Variants in OLA1 observed in about 807,000 individuals in gnomAD.
OLA1 encodes the protein Obg like ATPase 1.
OLA1 carries 14 observed loss-of-function variants against 48.4 expected under a neutral mutation model. That is an observed-to-expected ratio of 0.29 (90% CI 0.19 to 0.45). OLA1 has a LOEUF of 0.45. OLA1 is among the 20% of genes least tolerant of loss of function. OLA1 has a pLI of 1.00. For missense variants in OLA1, 325 were observed against 467.1 expected (o/e 0.70, Z 2.80); for synonymous variants, 127 against 150.4 (o/e 0.84, Z 1.14).
intron 3 of OLA1, among the ~76,000 whole-genome samples, chr2:174,225,127 G>T (rs1354807925): frequency 6.6e-6 from 1 of 152,168 alleles, no homozygotes; most frequent in African/African-American, 2.4e-5. Flanking sequence ...AGTAATGAGT[G>T]AGTTCTCGCT....
chr2:174,245,332 T>C (rs1385940765), intron 2 of OLA1, among the ~76,000 whole-genome samples: 2 of 152,168 alleles, frequency 1.3e-5, no homozygotes, highest in African/African-American at 4.8e-5. Flanking sequence ...AAGACTGAAA[T>C]CAGGACAGCC....
At chr2:174,241,041 T>C (rs1688988013) in intron 2 of OLA1, among the ~76,000 whole-genome samples, 1 of 152,218 alleles carries the variant, frequency 6.6e-6, no homozygotes, top group African/African-American at 2.4e-5. Context: ...AAGTTTGCTA[T>C]GCCACTGCCA....
rs529029564 is a variant in OLA1 at position 174,199,635 on chromosome 2, C to G, written c.373+23398G>C. 5.3e-5 allele frequency among the ~76,000 whole-genome samples: 8 copies of G among 152,180 alleles called. No homozygotes were observed. In the East Asian group the frequency reaches 1.5e-3, roughly 29 times the overall value. ...CATAAGGTCTCAAGATTTGGAATAT[C>G]TGTATCACTCACCAAGAATCAGCAT... On this transcript the variant is annotated intron_variant, in intron 4 of 10. Coordinates refer to ENST00000284719, the MANE Select transcript of OLA1 (RefSeq NM_013341.5).
chr2:174,229,466 A>C lies in OLA1; in HGVS notation c.102-15T>G, dbSNP rs1340628066. The C allele has an allele frequency of 1.9e-6, 3 of 1,597,388 alleles. No homozygotes were observed. The highest frequency in any genetic ancestry group is 1.8e-5 in the Admixed American group (1 of 56,886). On this transcript the variant is annotated splice_polypyrimidine_tract_variant and intron_variant, in intron 2 of 10. Coordinates refer to ENST00000284719, the MANE Select transcript of OLA1 (RefSeq NM_013341.5). ...AAGTAGATTTCCTAAAACAAATAAAAGCAATTTCAATCAATTCTTAGGTTA... is the reference window on the plus strand; with the variant it reads ...AAGTAGATTTCCTAAAACAAATAAACGCAATTTCAATCAATTCTTAGGTTA...
chr2:174,122,574 G>A (rs954468648), intron 7 of OLA1, among the ~76,000 whole-genome samples: 3 of 152,116 alleles, frequency 2.0e-5, no homozygotes, highest in Non-Finnish European at 2.9e-5. Context: ...CATGCCCACA[G>A]GTACATGAAC....
At chr2:174,174,035 C>CAAAAAAAAAAAAAAAAA (rs112671944) in intron 4 of OLA1, among the ~76,000 whole-genome samples, 1 of 135,602 alleles carries the variant, frequency 7.4e-6, no homozygotes, top group Non-Finnish European at 1.6e-5. Flanking sequence ...CACACACACA[C>CAAAAAAAAAAAAAAAAA]AAAAAAAAAA....
intron 4 of OLA1, among the ~76,000 whole-genome samples, chr2:174,191,894 G>A (rs1246589910): frequency 2.6e-5 from 4 of 152,060 alleles, no homozygotes; most frequent in Non-Finnish European, 4.4e-5. Flanking sequence ...GAATTCTCTC[G>A]ATCACAGCAC....
intron 7 of OLA1, among the ~76,000 whole-genome samples, chr2:174,100,838 C>T (rs1303915089): frequency 6.6e-6 from 1 of 152,158 alleles, no homozygotes; most frequent in Non-Finnish European, 1.5e-5. Context: ...TGAATCCTCA[C>T]CTTCTTTCCA....
Position 174,229,330 on chromosome 2 carries a change from A to C in OLA1, c.223T>G (p.Cys75Gly), listed in dbSNP as rs201617270. 3.1e-6 allele frequency: 5 copies of C among 1,612,326 alleles called. No homozygotes were observed. In the East Asian group the frequency reaches 1.1e-4, roughly 36 times the overall value. Reference sequence around the variant, plus strand: ...TACCTTGCTGGTTTGTGGTATTGACAAAGAAAGTCAAACCTTTCATCTGGC... The same window carrying C: ...TACCTTGCTGGTTTGTGGTATTGACCAAGAAAGTCAAACCTTTCATCTGGC... Reference protein sequence around the residue: ...PVPDERFDFLCQYHKPASKIP... With the variant: ...PVPDERFDFLGQYHKPASKIP... The change falls in exon 3 of 11, where the codon TGT becomes GGT. Residue 75 changes from cysteine to glycine, a missense_variant. Coordinates refer to ENST00000284719, the MANE Select transcript of OLA1 (RefSeq NM_013341.5).
At chr2:174,099,814 GC>G (rs1685350396) in intron 7 of OLA1, among the ~76,000 whole-genome samples, 1 of 152,158 alleles carries the variant, frequency 6.6e-6, no homozygotes, top group African/African-American at 2.4e-5. Context: ...GAAATCAAAT[GC>G]TATGTAATTG....
intron 4 of OLA1, among the ~76,000 whole-genome samples, chr2:174,202,784 G>A (rs1054135594): frequency 6.6e-6 from 1 of 152,110 alleles, no homozygotes; most frequent in Non-Finnish European, 1.5e-5. Context: ...CTTAATAATA[G>A]TCTTTCCTCT....
At chr2:174,087,643 A>G (rs758818586) in intron 7 of OLA1, among the ~76,000 whole-genome samples, 5 of 152,166 alleles carry the variant, frequency 3.3e-5, no homozygotes, top group Non-Finnish European at 5.9e-5. Flanking sequence ...CAGTAGTGCT[A>G]TTTGATATTT....
At chr2:174,081,359 T>C in intron 8 of OLA1, 111 bp from the exon 9 acceptor site, 1 of 721,786 alleles carries the variant, frequency 1.4e-6, no homozygotes, top group Non-Finnish European at 2.4e-6. Flanking sequence ...TAGTAGTAAA[T>C]GACCATTCAT....
intron 4 of OLA1, among the ~76,000 whole-genome samples, chr2:174,202,608 G>A (rs909847168): frequency 5.3e-5 from 8 of 152,160 alleles, no homozygotes; most frequent in South Asian, 2.1e-4. Context: ...ACTTGACAAC[G>A]AAATGTTGAA....
At chr2:174,122,958 A>G (rs546381332) in intron 7 of OLA1, among the ~76,000 whole-genome samples, 8 of 152,298 alleles carry the variant, frequency 5.3e-5, no homozygotes, top group Admixed American at 2.0e-4. Context: ...ATATAATTCA[A>G]TATTGCTTAT....
intron 4 of OLA1, among the ~76,000 whole-genome samples, chr2:174,144,942 A>AT (rs1558975038): frequency 0.015 from 1,134 of 74,766 alleles, 6 homozygotes; most frequent in Non-Finnish European, 0.025. Context: ...AAAAAAAAAA[A>AT]AAAAAAAAAA....
chr2:174,113,645 T>C (rs1685708954), intron 7 of OLA1, among the ~76,000 whole-genome samples: 1 of 152,206 alleles, frequency 6.6e-6, no homozygotes, highest in Admixed American at 6.5e-5. Flanking sequence ...AATCCTAATT[T>C]AGTTTATTAA....
At chr2:174,135,277 T>C (rs1558970246) in intron 5 of OLA1, among the ~76,000 whole-genome samples, 1 of 150,512 alleles carries the variant, frequency 6.6e-6, no homozygotes, top group Non-Finnish European at 1.5e-5. Context: ...GTCAGGAGAG[T>C]TGAGAAAAAA....
intron 4 of OLA1, among the ~76,000 whole-genome samples, chr2:174,190,883 T>G (rs1013037879): frequency 7.4e-6 from 1 of 134,468 alleles, no homozygotes; most frequent in Non-Finnish European, 1.5e-5. Context: ...AGGCAGAGCT[T>G]GCAGTGAGCC....
Sources: allele counts gnomAD v4.1 joint callset (sites outside exome capture counted in the v4.1 genomes callset), GRCh38; gene constraint gnomAD v4.1.1; transcripts MANE v1.5; gene names NCBI Gene and HGNC (gene_info 2026-07-23, HGNC 2026-07-21).